Variants in JAK2 observed in about 807,000 individuals in gnomAD.
JAK2 encodes the protein tyrosine-protein kinase JAK2.
JAK2 carries 86 observed loss-of-function variants against 139.3 expected under a neutral mutation model. The observed-to-expected ratio is 0.62, with a 90% CI of 0.52 to 0.74. JAK2 has a LOEUF of 0.74. JAK2 is among the 30% of genes least tolerant of loss of function. JAK2 has a pLI of 0.00. For synonymous variants in JAK2, 490 were observed against 437.7 expected, an observed-to-expected ratio of 1.12 and a Z score of -1.49; for missense variants, 1,421 against 1,360.3, an observed-to-expected ratio of 1.04 and a Z score of -0.70.
intron 22 of JAK2, 104 bp downstream of exon 22, chr9:5,091,015 A>G (rs1563995097): frequency 1.4e-5 from 12 of 872,402 alleles, no homozygotes; most frequent in Non-Finnish European, 1.9e-5. Flanking sequence ...GTAACAGTGA[A>G]CATTTAAGTC....
At chr9:5,002,480 A>G (rs1351702249) in intron 2 of JAK2, among the ~76,000 whole-genome samples, 2 of 152,080 alleles carry the variant, frequency 1.3e-5, no homozygotes, top group East Asian at 1.9e-4. Context: ...CAATTTTGCT[A>G]TGGCCAAGAA....
chr9:5,043,983 A>G (rs529301605), intron 4 of JAK2, among the ~76,000 whole-genome samples: 2 of 152,228 alleles, frequency 1.3e-5, no homozygotes, highest in African/African-American at 4.8e-5. Flanking sequence ...TTACTAAAAG[A>G]CAATATAGAG....
intron 5 of JAK2, among the ~76,000 whole-genome samples, chr9:5,047,403 C>T (rs1033555387): frequency 6.6e-6 from 1 of 152,174 alleles, no homozygotes; most frequent in African/African-American, 2.4e-5. Flanking sequence ...CTTTTAAATT[C>T]AGTTTCCTCT....
intron 16 of JAK2, among the ~76,000 whole-genome samples, chr9:5,079,810 C>G (rs1186195013): frequency 6.6e-6 from 1 of 151,796 alleles, no homozygotes; most frequent in Admixed American, 6.6e-5. Context: ...CACAGTGACA[C>G]CCTGTCTCAA....
rs1824133714 is a variant in JAK2, at chr9:5,128,235, T to G, written c.*1444T>G. On this transcript the variant is annotated 3_prime_UTR_variant, in exon 25 of 25. Transcript: ENST00000381652. ...GAAAGTTGTACTGAAGACTTCTGAT[T>G]TTGGGTTGAAGGGAAGGAAAAGGAA... 8.6e-6 allele frequency: 2 copies of G among 231,288 alleles called. No homozygotes were observed. Among genetic ancestry groups the G allele is most frequent in the Non-Finnish European group, 1.7e-5 (2 of 116,726 alleles). The allele number at this position is 231,288 out of a possible 1,614,324, so 14.3% of individuals were successfully genotyped here.
At chr9:5,091,083 A>C in intron 22 of JAK2, 172 bp downstream of exon 22, 1 of 500,734 alleles carries the variant, frequency 2.0e-6, no homozygotes, top group Non-Finnish European at 3.5e-6. Flanking sequence ...GTTATAGTCC[A>C]CGTGGGAAAA....
intron 5 of JAK2, among the ~76,000 whole-genome samples, chr9:5,047,345 G>A (rs554413886): frequency 2.6e-5 from 4 of 152,218 alleles, no homozygotes; most frequent in Admixed American, 6.5e-5. Flanking sequence ...CCTGTAGGAA[G>A]ACAGATTTGG....
At chr9:5,041,025 T>C (rs1350238752) in intron 4 of JAK2, 6 of 667,754 alleles carry the variant, frequency 9.0e-6, no homozygotes, top group Non-Finnish European at 1.4e-5. Context: ...TGCACCTGGG[T>C]ACCGGTTCTA....
At chr9:5,017,204 A>G (rs1563928514) in intron 2 of JAK2, among the ~76,000 whole-genome samples, 1 of 152,218 alleles carries the variant, frequency 6.6e-6, no homozygotes, top group Non-Finnish European at 1.5e-5. Context: ...AGTGAGGGCA[A>G]CATATTTTTT....
At position 4,986,546 on chromosome 9, in the gene JAK2, G is replaced by A. The variant is rs192126566; in HGVS notation, c.-26+524G>A. ...TGAAAGGGTAGGAGCGGCTGAGTAT[G>A]GAGAAGGAAACTGGAAGTGGGAATA... On this transcript the variant is annotated intron_variant, in intron 2 of 24. Transcript: ENST00000381652. 1.5e-4 allele frequency among the ~76,000 whole-genome samples: 23 copies of A among 152,278 alleles called. 1 individual carries two copies. In the East Asian group the frequency reaches 4.2e-3, roughly 28 times the overall value.
chr9:5,034,329 C>G (rs971937843), intron 4 of JAK2, among the ~76,000 whole-genome samples: 1 of 152,100 alleles, frequency 6.6e-6, no homozygotes, highest in Non-Finnish European at 1.5e-5. Context: ...TTAGACAGAT[C>G]AACAAGACAG....
intron 19 of JAK2, among the ~76,000 whole-genome samples, chr9:5,089,343 C>CCTGG (rs1357644439): frequency 6.6e-6 from 1 of 151,962 alleles, no homozygotes; most frequent in African/African-American, 2.4e-5. Flanking sequence ...TCAAGACAAT[C>CCTGG]CTGGCTAACA....
intron 22 of JAK2, chr9:5,114,112 C>T (rs1822911141): frequency 5.6e-6 from 2 of 358,050 alleles, no homozygotes; most frequent in South Asian, 2.8e-5. Flanking sequence ...CACACCTACA[C>T]CTGCCAGGTC....
At chr9:5,106,500 C>G (rs947578899) in intron 22 of JAK2, among the ~76,000 whole-genome samples, 1 of 152,174 alleles carries the variant, frequency 6.6e-6, no homozygotes, top group Non-Finnish European at 1.5e-5. Context: ...GGCGACTCCT[C>G]AAGGATCTAG....
At chr9:4,990,479 A>T (rs1820177577) in intron 2 of JAK2, among the ~76,000 whole-genome samples, 1 of 152,178 alleles carries the variant, frequency 6.6e-6, no homozygotes. Context: ...TTGATAGCAT[A>T]CAGTGGGACA....
intron 4 of JAK2, chr9:5,040,950 G>T: frequency 4.3e-6 from 2 of 469,978 alleles, no homozygotes; most frequent in Non-Finnish European, 7.9e-6. Flanking sequence ...GCCAAGGAAA[G>T]AATCTCTATA....
At chr9:5,082,479 T>A (rs1819774129) in intron 19 of JAK2, among the ~76,000 whole-genome samples, 1 of 152,250 alleles carries the variant, frequency 6.6e-6, no homozygotes, top group Admixed American at 6.5e-5. Context: ...ATCTCAGAAA[T>A]GAACAAATGT....
chr9:5,126,745 A>C lies in JAK2; in HGVS notation c.3353A>C (p.Asp1118Ala). The C allele has an allele frequency of 6.2e-7, 1 of 1,611,166 alleles. No homozygotes were observed. Among genetic ancestry groups the C allele is most frequent in the East Asian group, 2.2e-5 (1 of 44,812 alleles). The change falls in exon 25 of 25, where the codon GAT (aspartate) becomes GCT (alanine). Residue 1118 changes from aspartate to alanine, a missense_variant. By Grantham distance (126) the Asp-to-Ala change is moderately radical. Coordinates refer to ENST00000381652, the MANE Select transcript of JAK2 (RefSeq NM_004972.4). The stretch of plus-strand genomic sequence containing the variant: ...GTAAATCAACGCCCCTCCTTTAGGG[A>C]TCTAGCTCTTCGAGTGGATCAAATA... The part of the protein sequence containing the change: ...NNVNQRPSFR[D>A]LALRVDQIRD...
intron 6 of JAK2, among the ~76,000 whole-genome samples, chr9:5,052,336 A>G (rs1817471932): frequency 6.6e-6 from 1 of 152,094 alleles, no homozygotes; most frequent in Non-Finnish European, 1.5e-5. Context: ...ACTATTTAGT[A>G]ACTATTTATC....
Sources: gnomAD v4.1 joint callset for allele counts (sites outside exome capture counted in the v4.1 genomes callset) on GRCh38, gnomAD v4.1.1 for gene constraint, MANE v1.5 for transcripts, NCBI Gene and HGNC (gene_info 2026-07-23, HGNC 2026-07-21) for gene names.